The following MIER1 variants were observed in gnomAD, a reference collection of about 807,000 sequenced individuals.
MIER1 encodes the protein MIER1 transcriptional regulator, also known as mesoderm induction early response protein 1.
MIER1 carries 40 observed loss-of-function variants against 75.7 expected under a neutral mutation model. The ratio of observed to expected loss-of-function variants is 0.53; its 90% CI spans 0.41 to 0.69. MIER1 has a LOEUF of 0.69. MIER1 is among the 30% of genes least tolerant of loss of function. MIER1 has a pLI of 0.00. For synonymous variants in MIER1, 213 were observed against 223.4 expected (o/e 0.95, Z 0.42); for missense variants, 574 against 680.2 (o/e 0.84, Z 1.74).
At chr1:66,931,977 A>C (rs1051428947) in intron 2 of MIER1, among the ~76,000 whole-genome samples, 4 of 152,212 alleles carry the variant, frequency 2.6e-5, no homozygotes, top group African/African-American at 9.6e-5. Flanking sequence ...GTAGTCATAT[A>C]CTAAGGCAAG....
intron 12 of MIER1, among the ~76,000 whole-genome samples, chr1:66,978,060 G>C (rs1665087913): frequency 6.6e-6 from 1 of 152,020 alleles, no homozygotes; most frequent in South Asian, 2.1e-4. Context: ...AGCTGATGTG[G>C]TGGTGCACGC....
At chr1:66,930,136 C>A (rs963949103) in intron 2 of MIER1, 9 of 1,028,712 alleles carry the variant, frequency 8.7e-6, no homozygotes, top group African/African-American at 1.7e-5. Context: ...GCCGCGGGGC[C>A]GCGCGCGCGC....
intron 1 of MIER1, chr1:66,925,444 C>T (rs995081690): frequency 1.0e-6 from 1 of 985,440 alleles, no homozygotes; most frequent in Non-Finnish European, 1.2e-6. Flanking sequence ...GCTAAGCTGA[C>T]CACCCTGCTG....
At chr1:66,965,227 T>C (rs1021025614) in intron 8 of MIER1, among the ~76,000 whole-genome samples, 1 of 152,188 alleles carries the variant, frequency 6.6e-6, no homozygotes, top group African/African-American at 2.4e-5. Flanking sequence ...ATTTTTGTAA[T>C]TGAAATGTCA....
intron 8 of MIER1, among the ~76,000 whole-genome samples, chr1:66,969,434 A>C (rs944040112): frequency 2.0e-5 from 3 of 150,078 alleles, no homozygotes; most frequent in African/African-American, 7.3e-5. Context: ...AGTCCCAGCT[A>C]CTCTGGAGGC....
At chr1:66,966,787 C>T (rs372739235) in intron 8 of MIER1, among the ~76,000 whole-genome samples, 1 of 151,540 alleles carries the variant, frequency 6.6e-6, no homozygotes. Context: ...TTGATGGACA[C>T]TTTTTTTGCC....
chr1:66,925,174 C>T lies in MIER1; in HGVS notation c.67+79C>T. ...GGGGCTCCTGAGGTGTCCTCAGTCC[C>T]CTTTCTCTCCTTCCCCTCCCCCACG... is the stretch of plus-strand genomic sequence containing the variant. On this transcript the variant is annotated intron_variant, in intron 1 of 13. Transcript: ENST00000401041. 3.4e-6 allele frequency: 5 copies of T among 1,484,308 alleles called. 1 individual carries two copies. Among genetic ancestry groups the T allele is most frequent in the South Asian group, 2.7e-5 (2 of 75,344 alleles). The allele number at this position is 1,484,308 out of a possible 1,614,324, so 91.9% of individuals were successfully genotyped here. A position where few individuals can be genotyped will look rare whatever the true frequency, so the allele number is the denominator to read the frequency against.
intron 8 of MIER1, among the ~76,000 whole-genome samples, chr1:66,966,316 G>C (rs1331654964): frequency 1.3e-5 from 2 of 152,138 alleles, no homozygotes; most frequent in African/African-American, 2.4e-5. Flanking sequence ...ATAGTTTGCT[G>C]AGAATGATGG....
rs79577449 is a variant in MIER1, at chr1:66,960,736, G to A, written c.699+993G>A. ...ACAAGGTTAGCCCAGTTTACGGTAT[G>A]TGTTAATTTGAGCAAATGATGGGAC... On this transcript the variant is annotated intron_variant, in intron 7 of 13. Transcript: ENST00000401041. 1.8e-3 allele frequency among the ~76,000 whole-genome samples: 274 copies of A among 152,304 alleles called. 2 individuals carry two copies. Among genetic ancestry groups the A allele is most frequent in the African/African-American group, 6.1e-3 (253 of 41,572 alleles).
intron 10 of MIER1, among the ~76,000 whole-genome samples, chr1:66,972,420 G>A (rs1663893100): frequency 1.3e-5 from 2 of 151,816 alleles, no homozygotes; most frequent in Non-Finnish European, 2.9e-5. Context: ...GAAAATTAGA[G>A]GGTGCTATTG....
chr1:66,930,534 G>A, intron 2 of MIER1: 1 of 941,604 alleles, frequency 1.1e-6, no homozygotes, highest in Non-Finnish European at 1.6e-6. Context: ...TCCGGAACAG[G>A]CCATTCTCTG....
chr1:66,973,497 T>C (rs1383426142), intron 11 of MIER1, among the ~76,000 whole-genome samples: 1 of 152,124 alleles, frequency 6.6e-6, no homozygotes, highest in African/African-American at 2.4e-5. Flanking sequence ...CAGCTTTATA[T>C]TCTTATAGTT....
rs1344346339 is a variant in MIER1 at position 66,963,140 on chromosome 1, G to C, written c.752G>C (p.Arg251Thr). 1.2e-6 allele frequency: 2 copies of C among 1,610,812 alleles called. No individual in the cohort carries two copies. Among genetic ancestry groups the C allele is most frequent in the East Asian group, 2.2e-5 (1 of 44,734 alleles). Residue 251 changes from arginine to threonine, a missense_variant, in exon 8 of 14, where the codon AGA becomes ACA. Around this residue, in one of 3 missense-constraint regions of MIER1, gnomAD observed 309 missense variants for 352.8 expected, o/e 0.88. Coordinates refer to ENST00000401041, the MANE Select transcript of MIER1 (RefSeq NM_001077700.3). ...FQAEIPVGIC[R>T]YKENEKVYEN... ...GCAGAAATTCCAGTTGGCATTTGTA[G>C]ATACAAAGAAAATGAAAAAGGTGGG...
intron 8 of MIER1, among the ~76,000 whole-genome samples, chr1:66,969,365 T>C (rs1663093614): frequency 6.6e-6 from 1 of 151,436 alleles, no homozygotes; most frequent in Non-Finnish European, 1.5e-5. Context: ...GCTAACACGG[T>C]GAAACTCTGT....
chr1:66,981,637 C>T, intron 12 of MIER1, 142 bp from the exon 13 acceptor site: 1 of 602,662 alleles, frequency 1.7e-6, no homozygotes, highest in East Asian at 2.9e-5. Context: ...ATATTCAGAT[C>T]CTGGTATGAT....
At chr1:66,971,803 C>T in intron 10 of MIER1, 67 bp downstream of exon 10, 4 of 795,384 alleles carry the variant, frequency 5.0e-6, no homozygotes, top group Non-Finnish European at 8.2e-6. Context: ...TTCAGTTTAC[C>T]TAGGTATAGC....
chr1:66,946,037 CT>C, intron 3 of MIER1, 112 bp from the exon 4 acceptor site: 1 of 979,792 alleles, frequency 1.0e-6, no homozygotes, highest in South Asian at 1.9e-5. Flanking sequence ...CTGTGCGTAG[CT>C]TTTTCTTGGT....
Position 66,945,316 on chromosome 1 carries a change from T to TATAA in MIER1, c.194-833_194-832insTAAA, listed in dbSNP as rs1657339822. 3.7e-5 allele frequency among the ~76,000 whole-genome samples: 4 copies of TATAA among 106,802 alleles called. No homozygotes were observed. In the East Asian group the frequency reaches 7.9e-4, roughly 21 times the overall value. The allele number at this position is 106,802 out of a possible 152,430, so 70.1% of individuals were successfully genotyped here. On this transcript the variant is annotated intron_variant, in intron 3 of 13. Transcript: ENST00000401041. ...ATATATATATATATATATATATATA[T>TATAA]AAAATACCTAATATAGGTAAATGCT... is the stretch of plus-strand genomic sequence containing the variant.
chr1:66,981,097 G>C (rs548051485), intron 12 of MIER1, among the ~76,000 whole-genome samples: 1 of 146,288 alleles, frequency 6.8e-6, no homozygotes, highest in South Asian at 2.1e-4. Context: ...TTAGACATAT[G>C]ATTTATCTAC....
Sources: allele counts gnomAD v4.1 joint callset (sites outside exome capture counted in the v4.1 genomes callset), GRCh38; gene constraint gnomAD v4.1.1; regional missense constraint gnomAD v4.1.1; transcripts MANE v1.5; gene names NCBI Gene and HGNC (gene_info 2026-07-23, HGNC 2026-07-21).